The following RBFOX1 variants were observed in gnomAD, a reference collection of about 807,000 sequenced individuals.
RBFOX1 encodes RNA binding fox-1 homolog 1.
A neutral mutation model predicts 57.7 loss-of-function variants in RBFOX1; 8 were observed. That is an observed-to-expected ratio of 0.14 (90% CI 0.08 to 0.25). RBFOX1 has a LOEUF of 0.25. Ranked by LOEUF, RBFOX1 falls within the 10% of genes least tolerant of loss-of-function variation. The pLI is 1.00. For synonymous variants in RBFOX1, 326 were observed against 222.4 expected, an observed-to-expected ratio of 1.47 and a Z score of -4.15; for missense variants, 611 against 548.5, an observed-to-expected ratio of 1.11 and a Z score of -1.14.
chr16:5,793,177 C>A (rs2054759613), intron 3 of RBFOX1, among the ~76,000 whole-genome samples: 1 of 152,198 alleles, frequency 6.6e-6, no homozygotes, highest in African/African-American at 2.4e-5. Context: ...TCTAAACTTG[C>A]ACTTCAGCCT....
intron 3 of RBFOX1, among the ~76,000 whole-genome samples, chr16:5,686,796 A>G (rs781523134): frequency 3.9e-5 from 6 of 152,070 alleles, no homozygotes; most frequent in East Asian, 1.9e-4. Flanking sequence ...TTGGCTATCA[A>G]TTAGTCAGCA....
At chr16:5,408,001 C>T (rs1351477254) in intron 1 of RBFOX1, among the ~76,000 whole-genome samples, 1 of 152,246 alleles carries the variant, frequency 6.6e-6, no homozygotes, top group East Asian at 1.9e-4. Flanking sequence ...CATGGCAGGG[C>T]TTTGTGTCCT....
At chr16:6,895,739 A>G (rs1351755876) in intron 3 of RBFOX1, among the ~76,000 whole-genome samples, 1 of 151,968 alleles carries the variant, frequency 6.6e-6, no homozygotes, top group East Asian at 1.9e-4. Context: ...AGTGGACTAC[A>G]TCTCAACAGT....
At chr16:6,540,904 C>G (rs988285199) in intron 2 of RBFOX1, among the ~76,000 whole-genome samples, 28 of 152,066 alleles carry the variant, frequency 1.8e-4, no homozygotes, top group African/African-American at 6.8e-4. Context: ...AATGTCGTTT[C>G]TCTGACTTCT....
chr16:6,081,492 C>G (rs916841187), intron 1 of RBFOX1, among the ~76,000 whole-genome samples: 1 of 152,124 alleles, frequency 6.6e-6, no homozygotes, highest in African/African-American at 2.4e-5. Flanking sequence ...CCTCCTCTTC[C>G]CCTTTTCAAT....
intron 3 of RBFOX1, among the ~76,000 whole-genome samples, chr16:7,023,564 T>TAAAAAAAAAAAAAAAAAAAAAAAAAAA (rs34056673): frequency 4.6e-5 from 2 of 43,916 alleles, no homozygotes; most frequent in African/African-American, 1.8e-4. Flanking sequence ...TCGTCTGTAC[T>TAAAAAAAAAAAAAAAAAAAAAAAAAAA]AAAAAAAAAA....
chr16:5,392,042 A>G (rs184796214), intron 1 of RBFOX1, among the ~76,000 whole-genome samples: 32 of 152,240 alleles, frequency 2.1e-4, no homozygotes, highest in African/African-American at 7.7e-4. Context: ...TGGAAAACCA[A>G]ACATCATATA....
rs117190842 is a variant in RBFOX1, at chr16:6,964,828, C to T, written c.-15-87229C>T. Among the ~76,000 whole-genome samples, 5 of 152,178 alleles carry T rather than the reference C, an allele frequency of 3.3e-5. No individual in the cohort carries two copies. The East Asian group carries it at 9.7e-4, about 29-fold the overall frequency. Reference sequence around the variant, plus strand: ...TAAGAAAGGCCTTTGTCTAAAAGAGCCTGGTTGAAATCCCTGCTCCCAGCT... The same window carrying T: ...TAAGAAAGGCCTTTGTCTAAAAGAGTCTGGTTGAAATCCCTGCTCCCAGCT... On this transcript the variant is annotated intron_variant, in intron 3 of 15. Coordinates refer to ENST00000550418, the MANE Select transcript of RBFOX1 (RefSeq NM_018723.4).
At chr16:6,917,253 G>T (rs926193104) in intron 3 of RBFOX1, among the ~76,000 whole-genome samples, 1 of 152,206 alleles carries the variant, frequency 6.6e-6, no homozygotes, top group Non-Finnish European at 1.5e-5. Context: ...TCACTGCAAA[G>T]AGTCTGTCCC....
At chr16:6,148,092 G>A (rs966051431) in intron 1 of RBFOX1, among the ~76,000 whole-genome samples, 19 of 152,234 alleles carry the variant, frequency 1.2e-4, no homozygotes, top group Non-Finnish European at 2.1e-4. Flanking sequence ...ACTTCGGGAG[G>A]CCGAGGCGGG....
intron 2 of RBFOX1, among the ~76,000 whole-genome samples, chr16:6,464,761 C>G (rs750380382): frequency 5.9e-5 from 9 of 152,242 alleles, no homozygotes; most frequent in Non-Finnish European, 1.0e-4. Flanking sequence ...CATTTAATTA[C>G]TGAGCTACAG....
At chr16:7,676,926 C>T in intron 14 of RBFOX1, 88 bp downstream of exon 14, 2 of 1,319,674 alleles carry the variant, frequency 1.5e-6, no homozygotes, top group South Asian at 2.4e-5. Flanking sequence ...CTTGGTGAAA[C>T]TGCATGACTG....
chr16:7,598,740 T>C (rs1414845018), intron 9 of RBFOX1, among the ~76,000 whole-genome samples: 1 of 152,110 alleles, frequency 6.6e-6, no homozygotes, highest in Non-Finnish European at 1.5e-5. Flanking sequence ...TTTAATTGGG[T>C]TTTTTAATAA....
chr16:5,725,654 T>G lies in RBFOX1; in HGVS notation c.318+126693T>G, dbSNP rs571942575. On this transcript the variant is annotated intron_variant, in intron 3 of 19. Transcript: ENST00000641259. The stretch of plus-strand genomic sequence containing the variant: ...GTGCTCATAAGATCCTCATTTTCCA[T>G]ATAAGGAGAATCAGAGAGGTAACTT... 5.9e-5 allele frequency among the ~76,000 whole-genome samples: 9 copies of G among 151,636 alleles called. No individual in the cohort carries two copies. The South Asian group carries it at 1.7e-3, about 28-fold the overall frequency.
chr16:7,232,092 C>T (rs570475846), intron 4 of RBFOX1, among the ~76,000 whole-genome samples: 3 of 152,084 alleles, frequency 2.0e-5, no homozygotes, highest in Admixed American at 1.3e-4. Context: ...GTGGCACAAT[C>T]GGCTCACTGC....
At chr16:7,672,675 C>T (rs1038884028) in intron 13 of RBFOX1, among the ~76,000 whole-genome samples, 3 of 151,648 alleles carry the variant, frequency 2.0e-5, no homozygotes, top group Non-Finnish European at 2.9e-5. Flanking sequence ...ACGGGGCCAG[C>T]CAGGCCTATG....
At chr16:7,498,354 C>T (rs978177228) in intron 4 of RBFOX1, among the ~76,000 whole-genome samples, 1 of 152,146 alleles carries the variant, frequency 6.6e-6, no homozygotes, top group Non-Finnish European at 1.5e-5. Flanking sequence ...ATGGGTCTCA[C>T]TCAGCCTCTA....
Position 6,856,109 on chromosome 16 carries a change from T to TCC in RBFOX1, c.-15-195948_-15-195947insCC, listed in dbSNP as rs1567577960. The stretch of plus-strand genomic sequence containing the variant: ...TGAAGACCCTTCCCTTCCCTTCCCT[T>TCC]TCTTCCCTTTCCTTCCCTTCCCTTT... On this transcript the variant is annotated intron_variant, in intron 3 of 15. Transcript: ENST00000550418. Among the ~76,000 whole-genome samples the TCC allele has an allele frequency of 3.4e-3, 518 of 150,206 alleles. 3 individuals carry two copies. Among genetic ancestry groups the TCC allele is most frequent in the African/African-American group, 9.6e-3 (391 of 40,606 alleles).
At chr16:6,682,698 C>G (rs554310426) in intron 3 of RBFOX1, among the ~76,000 whole-genome samples, 15 of 151,932 alleles carry the variant, frequency 9.9e-5, no homozygotes, top group African/African-American at 3.4e-4. Context: ...CCCCGGCGCG[C>G]AAAATTGCCC....
Sources: gnomAD v4.1 joint callset for allele counts (sites outside exome capture counted in the v4.1 genomes callset) on GRCh38, gnomAD v4.1.1 for gene constraint, MANE v1.5 for transcripts, NCBI Gene and HGNC (gene_info 2026-07-23, HGNC 2026-07-21) for gene names.